Variants in SNRPD2 observed in about 807,000 individuals in gnomAD.
SNRPD2 encodes the protein small nuclear ribonucleoprotein Sm D2.
Under a neutral mutation model 11.5 loss-of-function variants are expected in SNRPD2, and 1 was observed. That is an observed-to-expected ratio of 0.09 (90% confidence interval 0.03 to 0.41). The LOEUF is 0.41. Ranked by LOEUF, SNRPD2 falls within the 10% of genes least tolerant of loss-of-function variation. The pLI is 0.98. For missense variants in SNRPD2, 77 were observed against 154.9 expected, an observed-to-expected ratio of 0.50 and a Z score of 2.67; for synonymous variants, 63 against 61.5, an observed-to-expected ratio of 1.02 and a Z score of -0.12.
chr19:45,691,775 C>T, intron 1 of SNRPD2, 112 bp downstream of exon 1: 1 of 1,323,450 alleles, frequency 7.6e-7, no homozygotes, highest in Non-Finnish European at 1.1e-6. Context: ...ACGCTGCATC[C>T]CTAAAACATC....
Position 45,688,702 on chromosome 19 carries a change from C to T in SNRPD2, c.3-136G>A. On this transcript the variant is annotated intron_variant, in intron 1 of 2. Transcript: ENST00000342669. This position sits in a 1 kb window ranked among gnomAD's most constrained non-coding sequence, Gnocchi z 4.1. ...CACCACATCTGTCCTCCTGTTCAGCCTTCTGAGTATCATCAGCTAGATGCC... is the reference window on the plus strand; with the variant it reads ...CACCACATCTGTCCTCCTGTTCAGCTTTCTGAGTATCATCAGCTAGATGCC... The T allele has an allele frequency of 1.5e-6, 1 of 680,000 alleles. No individual in the cohort carries two copies. Among genetic ancestry groups the T allele is most frequent in the East Asian group, 2.5e-5 (1 of 40,162 alleles). The allele number at this position is 680,000 out of a possible 1,614,324, so 42.1% of individuals were successfully genotyped here. A position where few individuals can be genotyped will look rare whatever the true frequency, so the allele number is the denominator to read the frequency against.
At chr19:45,689,838 CA>C (rs1967492668) in intron 1 of SNRPD2, among the ~76,000 whole-genome samples, 1 of 151,188 alleles carries the variant, frequency 6.6e-6, no homozygotes, top group African/African-American at 2.4e-5. Flanking sequence ...AGTTCGAGAC[CA>C]CCCAGGGCAA....
In SNRPD2 at chr19:45,687,803, C is replaced by T. The variant is rs183639241; in HGVS notation, c.183-76G>A. On this transcript the variant is annotated intron_variant, in intron 2 of 2. Coordinates refer to ENST00000342669, the MANE Select transcript of SNRPD2 (RefSeq NM_001384647.1). This position sits in a 1 kb window ranked among gnomAD's most constrained non-coding sequence, Gnocchi z 4.1. ...ACAGTGCCCCCTACTGCCTGCTGCT[C>T]GCCCCCTCCAGCAGCATGGCTTGGG... 1.1e-3 allele frequency: 1,293 copies of T among 1,219,606 alleles called. 11 individuals are homozygous for T. The highest frequency in any genetic ancestry group is 6.5e-3 in the South Asian group (514 of 78,880). The allele number at this position is 1,219,606 out of a possible 1,614,324, so 75.5% of individuals were successfully genotyped here. A position where few individuals can be genotyped will look rare whatever the true frequency, so the allele number is the denominator to read the frequency against.
In SNRPD2 at chr19:45,687,681, C is replaced by A; in HGVS notation, c.229G>T (p.Val77Leu). The A allele has an allele frequency of 6.2e-7, 1 of 1,614,028 alleles. No homozygotes were observed. Among genetic ancestry groups the A allele is most frequent in the Non-Finnish European group, 8.5e-7 (1 of 1,179,916 alleles). The change falls in exon 3 of 3, where the codon GTA becomes TTA. Residue 77 changes from valine (V) to leucine (L), a missense_variant. By Grantham distance (32) the Val-to-Leu change is conservative (BLOSUM62 1). Transcript: ENST00000342669. This position sits in a 1 kb window ranked among gnomAD's most constrained non-coding sequence, Gnocchi z 4.1. ...TTCTTGCCCTTGCCACTCTTGGGTACCTCAGTCCACATCTCCTTCACGTTC... is the reference window on the plus strand; with the variant it reads ...TTCTTGCCCTTGCCACTCTTGGGTAACTCAGTCCACATCTCCTTCACGTTC... ...LENVKEMWTEVPKSGKGKKKS... is the reference protein window; with the variant it reads ...LENVKEMWTELPKSGKGKKKS...
chr19:45,690,494 A>G (rs968420330), intron 1 of SNRPD2: 2 of 87,626 alleles, frequency 2.3e-5, no homozygotes, highest in Non-Finnish European at 5.3e-5. Context: ...CAAACAAACA[A>G]AACAAAAGAA....
In SNRPD2 at chr19:45,687,803, CG is replaced by C; in HGVS notation, c.183-77del. On this transcript the variant is annotated intron_variant, in intron 2 of 2. Coordinates refer to ENST00000342669, the MANE Select transcript of SNRPD2 (RefSeq NM_001384647.1). This position sits in a 1 kb window ranked among gnomAD's most constrained non-coding sequence, Gnocchi z 4.1. ...ACAGTGCCCCCTACTGCCTGCTGCT[CG>C]CCCCCTCCAGCAGCATGGCTTGGGG... 1 of 1,219,612 alleles carries C rather than the reference CG, an allele frequency of 8.2e-7. No individual in the cohort carries two copies. The highest frequency in any genetic ancestry group is 1.2e-6 in the Non-Finnish European group (1 of 839,942). The allele number at this position is 1,219,612 out of a possible 1,614,324, so 75.5% of individuals were successfully genotyped here. A position where few individuals can be genotyped will look rare whatever the true frequency, so the allele number is the denominator to read the frequency against.
chr19:45,691,195 A>G lies in SNRPD2; in HGVS notation c.2+692T>C, dbSNP rs1445231259. On this transcript the variant is annotated intron_variant, in intron 1 of 2. Transcript: ENST00000342669. ...CTCAGGCTGGAAGTGCAGTGGCGCA[A>G]TCTCGGCTCACTGCAACCTCCGCCT... Among the ~76,000 whole-genome samples, 11 of 152,224 alleles carry G rather than the reference A, an allele frequency of 7.2e-5. No homozygotes were observed. The East Asian group carries it at 2.1e-3, about 29-fold the overall frequency.
chr19:45,692,047 A>T (rs1313554553), upstream of SNRPD2: 75 of 1,576,612 alleles, frequency 4.8e-5, no homozygotes, highest in Admixed American at 5.6e-4. Context: ...AGCATTCCCC[A>T]CCAACGGTGC....
chr19:45,689,026 C>T (rs1473255750), intron 1 of SNRPD2, among the ~76,000 whole-genome samples: 3 of 152,278 alleles, frequency 2.0e-5, no homozygotes, highest in South Asian at 4.1e-4. Flanking sequence ...AGCCACCGTG[C>T]CCAGCCAGAC....
In SNRPD2 at chr19:45,691,900, C is replaced by T; in HGVS notation, c.-12G>A. Reference sequence around the variant, plus strand: ...GCCCGGCCTCACATGATGGTCACTACGCTCTCCGTTCACTCCCGTTTCCTC... The same window carrying T: ...GCCCGGCCTCACATGATGGTCACTATGCTCTCCGTTCACTCCCGTTTCCTC... On this transcript the variant is annotated 5_prime_UTR_variant, in exon 1 of 3. Coordinates refer to ENST00000342669, the MANE Select transcript of SNRPD2 (RefSeq NM_001384647.1). 6.2e-7 allele frequency: 1 copy of T among 1,614,152 alleles called. No individual in the cohort carries two copies. The highest frequency in any genetic ancestry group is 8.5e-7 in the Non-Finnish European group (1 of 1,179,988).
Position 45,687,759 on chromosome 19 carries a change from CGT to C in SNRPD2, c.183-34_183-33del. 6.4e-7 allele frequency: 1 copy of C among 1,574,648 alleles called. No homozygotes were observed. Among genetic ancestry groups the C allele is most frequent in the Non-Finnish European group, 8.7e-7 (1 of 1,147,540 alleles). On this transcript the variant is annotated intron_variant, in intron 2 of 2. Transcript: ENST00000342669. The surrounding 1 kb of genome is among the most constrained non-coding windows in gnomAD (Gnocchi z 4.1). ...GGGAACAGGGAGGGGAGGCACTGGGCGTGAGGGGCGTGCCTCTGACAGTGCCC... is the reference window on the plus strand; with the variant it reads ...GGGAACAGGGAGGGGAGGCACTGGGCGAGGGGCGTGCCTCTGACAGTGCCC...
intron 1 of SNRPD2, 78 bp downstream of exon 1, chr19:45,691,809 T>G: frequency 2.0e-6 from 3 of 1,528,196 alleles, no homozygotes; most frequent in Non-Finnish European, 2.7e-6. Flanking sequence ...CCCGCTCTGC[T>G]CAACCCTTCC....
upstream of SNRPD2, chr19:45,692,099 G>T: frequency 7.6e-7 from 1 of 1,310,980 alleles, no homozygotes. Flanking sequence ...TTCGCGGCCA[G>T]TCAGAACCAC....
At chr19:45,691,649 G>C in intron 1 of SNRPD2, 1 of 587,994 alleles carries the variant, frequency 1.7e-6, no homozygotes, top group Non-Finnish European at 3.1e-6. Flanking sequence ...GGGATCACAG[G>C]AATGAGCCCC....
intron 1 of SNRPD2, among the ~76,000 whole-genome samples, chr19:45,689,511 TACAAAACAAA>T (rs367980338): frequency 1.0e-3 from 159 of 151,568 alleles, no homozygotes; most frequent in African/African-American, 3.7e-3. Context: ...CTACTAAAAA[TACAAAACAAA>T]ACAAAACAAA....
At chr19:45,692,082 G>A, upstream of SNRPD2, 11 of 1,479,014 alleles carry the variant, frequency 7.4e-6, no homozygotes, top group South Asian at 3.9e-5. Flanking sequence ...AAAGCTTCGG[G>A]TAGGGGTTCG....
chr19:45,687,778 A>T lies in SNRPD2; in HGVS notation c.183-51T>A. The T allele has an allele frequency of 6.9e-7, 1 of 1,450,678 alleles. No homozygotes were observed. Among genetic ancestry groups the T allele is most frequent in the Non-Finnish European group, 9.6e-7 (1 of 1,037,910 alleles). The allele number at this position is 1,450,678 out of a possible 1,614,324, so 89.9% of individuals were successfully genotyped here. On this transcript the variant is annotated intron_variant, in intron 2 of 2. Coordinates refer to ENST00000342669, the MANE Select transcript of SNRPD2 (RefSeq NM_001384647.1). This position sits in a 1 kb window ranked among gnomAD's most constrained non-coding sequence, Gnocchi z 4.1. Reference sequence around the variant, plus strand: ...ACTGGGCGTGAGGGGCGTGCCTCTGACAGTGCCCCCTACTGCCTGCTGCTC... The same window carrying T: ...ACTGGGCGTGAGGGGCGTGCCTCTGTCAGTGCCCCCTACTGCCTGCTGCTC...
Position 45,691,914 on chromosome 19 carries a change from T to C in SNRPD2, c.-26A>G. ...GATGGTCACTACGCTCTCCGTTCAC[T>C]CCCGTTTCCTCCGCGTTGCTGCTGC... is the stretch of plus-strand genomic sequence containing the variant. On this transcript the variant is annotated 5_prime_UTR_variant, in exon 1 of 3. Coordinates refer to ENST00000342669, the MANE Select transcript of SNRPD2 (RefSeq NM_001384647.1). 5.0e-6 allele frequency: 8 copies of C among 1,614,072 alleles called. No individual in the cohort carries two copies. The highest frequency in any genetic ancestry group is 6.8e-6 in the Non-Finnish European group (8 of 1,179,956).
intron 1 of SNRPD2, chr19:45,691,367 G>C (rs1034254945): frequency 1.3e-5 from 2 of 154,828 alleles, no homozygotes; most frequent in Admixed American, 1.3e-4. Flanking sequence ...CTGACCTCAG[G>C]TGATCCGCCC....
Sources: gnomAD v4.1 joint callset for allele counts (sites outside exome capture counted in the v4.1 genomes callset) on GRCh38, gnomAD v4.1.1 for gene constraint, Gnocchi (gnomAD v3.1) non-coding constraint, MANE v1.5 for transcripts, NCBI Gene and HGNC (gene_info 2026-07-23, HGNC 2026-07-21) for gene names.